ASAP1: variants seen among roughly 807,000 people sequenced by gnomAD.
ASAP1 encodes the protein ArfGAP with SH3 domain, ankyrin repeat and PH domain 1, also known as arf-GAP with SH3 domain, ANK repeat and PH domain-containing protein 1.
In ASAP1, 43 loss-of-function variants were observed where a neutral mutation model predicts 145.2. That is an observed-to-expected ratio of 0.30 (90% CI 0.23 to 0.38). The LOEUF (loss-of-function observed/expected upper bound fraction) is 0.38. Ranked by LOEUF, ASAP1 falls within the 10% of genes least tolerant of loss-of-function variation. The probability of loss-of-function intolerance (pLI) is 1.00; values close to 1 mark genes in which losing one functional copy is unlikely to be tolerated. For missense variants in ASAP1, 1,018 were observed against 1,355.3 expected, an observed-to-expected ratio of 0.75 and a Z score of 3.91; for synonymous variants, 546 against 515.5, an observed-to-expected ratio of 1.06 and a Z score of -0.80.
At chr8:130,223,501 A>AT (rs1282647564) in intron 4 of ASAP1, among the ~76,000 whole-genome samples, 2 of 152,168 alleles carry the variant, frequency 1.3e-5, no homozygotes, top group Non-Finnish European at 2.9e-5. Context: ...TAAACATGGT[A>AT]TTTTTTGGAG....
intron 3 of ASAP1, among the ~76,000 whole-genome samples, chr8:130,281,551 T>C (rs186163493): frequency 1.3e-5 from 2 of 152,316 alleles, no homozygotes; most frequent in Admixed American, 6.5e-5. Flanking sequence ...GGTCCAGATT[T>C]TCAGGCTAAA....
intron 13 of ASAP1, among the ~76,000 whole-genome samples, chr8:130,146,088 G>C (rs1171947054): frequency 2.0e-5 from 3 of 149,938 alleles, no homozygotes; most frequent in Admixed American, 6.7e-5. Flanking sequence ...CTGGACTTAA[G>C]CCTCAAACTC....
chr8:130,345,813 G>A (rs1234834022), intron 3 of ASAP1, among the ~76,000 whole-genome samples: 1 of 152,200 alleles, frequency 6.6e-6, no homozygotes, highest in African/African-American at 2.4e-5. Context: ...TCAGTACAGA[G>A]CTGGTACTCA....
chr8:130,247,858 A>T (rs879708329), intron 3 of ASAP1, among the ~76,000 whole-genome samples: 1 of 152,172 alleles, frequency 6.6e-6, no homozygotes, highest in Non-Finnish European at 1.5e-5. Flanking sequence ...CAAATTGAAA[A>T]CTAGTCTTGA....
rs754279639 is a variant in ASAP1 at position 130,115,693 on chromosome 8, C to T, written c.2107G>A (p.Val703Ile). 41 of 1,614,020 alleles carry T rather than the reference C, an allele frequency of 2.5e-5. No individual in the cohort carries two copies. The East Asian group carries it at 2.7e-4, about 11-fold the overall frequency. ...TGTCGAAGATTCCACTCATATTCTA[C>T]GTGGACGTGTGGATTGAACTTTCCA... ...KSGKFNPHVH[V>I]EYEWNLRQEE... Residue 703 changes from valine to isoleucine, a missense_variant, in exon 23 of 30, where the codon GTA (valine) becomes ATA (isoleucine). Physicochemically the swap from Val to Ile is conservative, Grantham distance 29. This residue lies in a region of ASAP1 where 353 missense variants were observed against 375.4 expected (regional missense o/e 0.94). Transcript: ENST00000518721.
intron 3 of ASAP1, among the ~76,000 whole-genome samples, chr8:130,262,441 A>G (rs1251492547): frequency 5.1e-5 from 7 of 136,928 alleles, no homozygotes; most frequent in African/African-American, 2.7e-5. Context: ...AGAGAGAGAG[A>G]GAGAGAGAGA....
At chr8:130,229,280 AAAACT>A (rs1817768290) in intron 4 of ASAP1, among the ~76,000 whole-genome samples, 1 of 152,230 alleles carries the variant, frequency 6.6e-6, no homozygotes, top group South Asian at 2.1e-4. Context: ...AACTAGAAAT[AAAACT>A]AAACACACAC....
At chr8:130,125,706 T>C (rs976923696) in intron 17 of ASAP1, among the ~76,000 whole-genome samples, 2 of 152,114 alleles carry the variant, frequency 1.3e-5, no homozygotes, top group Non-Finnish European at 2.9e-5. Context: ...AAGAAGACCA[T>C]CCCAAAAGAA....
intron 5 of ASAP1, among the ~76,000 whole-genome samples, chr8:130,212,168 C>A (rs1189721341): frequency 1.3e-5 from 2 of 152,190 alleles, no homozygotes; most frequent in Non-Finnish European, 2.9e-5. Flanking sequence ...CCTGGGACTG[C>A]CTTTTATTCA....
At chr8:130,180,610 A>G in intron 8 of ASAP1, 141 bp downstream of exon 8, 1 of 1,101,386 alleles carries the variant, frequency 9.1e-7, no homozygotes, top group Non-Finnish European at 1.3e-6. Flanking sequence ...TTGGAGAAAA[A>G]TGGAGATTAG....
At chr8:130,359,262 A>G (rs963076495) in intron 2 of ASAP1, among the ~76,000 whole-genome samples, 4 of 152,116 alleles carry the variant, frequency 2.6e-5, no homozygotes, top group Admixed American at 1.3e-4. Context: ...TGTAAAAGGC[A>G]TTGCCCGAGC....
chr8:130,178,892 G>GAA (rs199580611), intron 9 of ASAP1, among the ~76,000 whole-genome samples: 5 of 137,046 alleles, frequency 3.6e-5, no homozygotes, highest in South Asian at 2.3e-4. Flanking sequence ...CGTCTCAAAG[G>GAA]AAAAAAAAAA....
intron 3 of ASAP1, among the ~76,000 whole-genome samples, chr8:130,288,840 T>C (rs565438548): frequency 1.3e-5 from 2 of 152,356 alleles, no homozygotes; most frequent in African/African-American, 4.8e-5. Context: ...GGGAGATGGT[T>C]AAGCAAATTA....
intron 5 of ASAP1, 123 bp downstream of exon 5, chr8:130,214,433 T>G (rs1816767535): frequency 1.0e-6 from 1 of 996,802 alleles, no homozygotes. Context: ...AAAAGCTTTT[T>G]GTTTTTTCTT....
At position 130,307,946 on chromosome 8, in the gene ASAP1, C is replaced by A. The variant is rs147680552; in HGVS notation, c.186+50071G>T. Among the ~76,000 whole-genome samples the A allele has an allele frequency of 2.4e-3, 362 of 152,314 alleles. 7 individuals are homozygous for A. Among genetic ancestry groups the A allele is most frequent in the Admixed American group, 0.022 (335 of 15,298 alleles). ...ACACTTGAGAGAAATAATGTTTGCA[C>A]AGCCTCAGCAAGCAGCTTCCTTCCT... On this transcript the variant is annotated intron_variant, in intron 3 of 29. Coordinates refer to ENST00000518721, the MANE Select transcript of ASAP1 (RefSeq NM_018482.4).
At chr8:130,217,648 T>C (rs1565100837) in intron 4 of ASAP1, among the ~76,000 whole-genome samples, 1 of 152,306 alleles carries the variant, frequency 6.6e-6, no homozygotes, top group East Asian at 1.9e-4. Flanking sequence ...GCTGTAGTTC[T>C]TTCAGTGAGC....
Position 130,060,765 on chromosome 8 carries a change from G to C in ASAP1, c.3006C>G (p.Ser1002=), listed in dbSNP as rs761590323. The C allele has an allele frequency of 6.2e-7, 1 of 1,614,138 alleles. No individual in the cohort carries two copies. The highest frequency in any genetic ancestry group is 8.5e-7 in the Non-Finnish European group (1 of 1,180,028). The change falls in exon 28 of 30, where the codon TCC becomes TCG. Residue 1002 remains serine, a synonymous_variant. Transcript: ENST00000518721. Reference sequence around the variant, plus strand: ...CCTTGGGTGAGACATCTCCAGTCTGGGATTTTGCTAGCAGGTCTCCCAGCT... The same window carrying C: ...CCTTGGGTGAGACATCTCCAGTCTGCGATTTTGCTAGCAGGTCTCCCAGCT... The part of the protein sequence containing the change: ...KPQLGDLLAK[S]QTGDVSPKAQ...
intron 2 of ASAP1, among the ~76,000 whole-genome samples, chr8:130,384,735 T>C (rs905016731): frequency 2.0e-5 from 3 of 152,120 alleles, no homozygotes; most frequent in Non-Finnish European, 4.4e-5. Context: ...ACTGATAGTG[T>C]CTTTTATTAT....
At chr8:130,159,825 TA>T in intron 12 of ASAP1, 38 bp downstream of exon 12, 1 of 1,506,976 alleles carries the variant, frequency 6.6e-7, no homozygotes, top group South Asian at 1.1e-5. Flanking sequence ...TTTTCTAGGT[TA>T]ATCACACACT....
Sources: gnomAD v4.1 joint callset for allele counts (sites outside exome capture counted in the v4.1 genomes callset) on GRCh38, gnomAD v4.1.1 for gene constraint, gnomAD v4.1.1 regional missense constraint, MANE v1.5 for transcripts, NCBI Gene and HGNC (gene_info 2026-07-23, HGNC 2026-07-21) for gene names.